Variants in MED14 observed in about 807,000 individuals in gnomAD.
MED14 encodes the protein mediator complex subunit 14.
MED14 carries 8 observed loss-of-function variants against 109.0 expected under a neutral mutation model. The observed-to-expected ratio is 0.07, with a 90% CI of 0.04 to 0.13. MED14 has a LOEUF of 0.13. Ranked by LOEUF, MED14 falls within the 10% of genes least tolerant of loss-of-function variation. MED14 has a pLI of 1.00. For missense variants in MED14, 711 were observed against 1,142.4 expected, an observed-to-expected ratio of 0.62 and a Z score of 5.44; for synonymous variants, 399 against 408.7, an observed-to-expected ratio of 0.98 and a Z score of 0.29.
At chrX:40,683,072 G>C (rs1930179950) in intron 16 of MED14, 76 bp from the exon 17 acceptor site, 1 of 890,132 alleles carries the variant, frequency 1.1e-6, no homozygotes. Flanking sequence ...GACAAGGTAT[G>C]ACATTACAGC....
chrX:40,682,276 C>A (rs1250138708), intron 18 of MED14, among the ~76,000 whole-genome samples: 2 of 111,435 alleles, frequency 1.8e-5, no homozygotes, highest in East Asian at 5.6e-4. Flanking sequence ...TAATACCTAC[C>A]CTCATGATTG....
chrX:40,655,967 A>G (rs1929039786), intron 28 of MED14, among the ~76,000 whole-genome samples: 1 of 111,748 alleles, frequency 8.9e-6, no homozygotes, highest in Admixed American at 9.5e-5. Context: ...TTCACAGTAT[A>G]TATCTCCCCA....
chrX:40,710,244 CA>C, intron 8 of MED14, 115 bp from the exon 9 acceptor site: 1 of 413,652 alleles, frequency 2.4e-6, no homozygotes. Context: ...GGCAGGCCCC[CA>C]GTGTTTGTGG....
At chrX:40,658,902 T>A (rs1929169376) in intron 28 of MED14, among the ~76,000 whole-genome samples, 6 of 110,414 alleles carry the variant, frequency 5.4e-5, no homozygotes, top group Admixed American at 3.9e-4. Context: ...TATTTGCTTT[T>A]ATGAATGGAC....
chrX:40,701,319 T>C (rs1004265729), intron 11 of MED14, 76 bp from the exon 12 acceptor site: 14 of 637,465 alleles, frequency 2.2e-5, no homozygotes, highest in Admixed American at 1.4e-4. Context: ...GTAAAACAAA[T>C]AAAACAAATG....
chrX:40,674,141 C>T (rs2146642313), intron 22 of MED14, among the ~76,000 whole-genome samples: 1 of 111,528 alleles, frequency 9.0e-6, no homozygotes, highest in Admixed American at 9.5e-5. Flanking sequence ...GGCCCAGCAT[C>T]TTCAAAGGGC....
Position 40,681,842 on chromosome X carries a change from T to C in MED14, c.2457+10A>G. On this transcript the variant is annotated intron_variant, in intron 19 of 30. Transcript: ENST00000324817. ...TAAGACAGGAACTTCAGCATTTTAATCAGACTTACTGAGCTTCCCTTGGTG... is the reference window on the plus strand; with the variant it reads ...TAAGACAGGAACTTCAGCATTTTAACCAGACTTACTGAGCTTCCCTTGGTG... The C allele has an allele frequency of 2.0e-6, 2 of 995,778 alleles. No individual in the cohort carries two copies. Among genetic ancestry groups the C allele is most frequent in the Non-Finnish European group, 2.7e-6 (2 of 733,388 alleles). The allele number at this position is 995,778 out of a possible 1,213,427, so 82.1% of individuals were successfully genotyped here.
Position 40,648,562 on chromosome X carries a change from A to AT in MED14, c.*3243dup, listed in dbSNP as rs1022363676. The AT allele has an allele frequency of 6.2e-5, 7 of 112,435 alleles. No homozygotes were observed. Among genetic ancestry groups the AT allele is most frequent in the Non-Finnish European group, 1.3e-4 (7 of 53,263 alleles). 9.3% of individuals were successfully genotyped at this position (112,435 alleles called of 1,213,427 possible). On this transcript the variant is annotated 3_prime_UTR_variant, in exon 31 of 31. Coordinates refer to ENST00000324817, the MANE Select transcript of MED14 (RefSeq NM_004229.4). ...CCATTTACTCATTTTTAAGAAGAGG[A>AT]TATCAATAACCTACCACATTGGGTT...
intron 21 of MED14, among the ~76,000 whole-genome samples, chrX:40,678,787 C>A (rs1433452643): frequency 1.9e-5 from 2 of 105,493 alleles, no homozygotes; most frequent in African/African-American, 7.0e-5. Flanking sequence ...GCCAGGAGGA[C>A]AGAACGAGAC....
intron 15 of MED14, among the ~76,000 whole-genome samples, chrX:40,691,592 A>C (rs1602468433): frequency 1.9e-5 from 1 of 52,607 alleles, no homozygotes; most frequent in African/African-American, 5.4e-5. Context: ...CAGCCTGTCC[A>C]CTTTTTCTTT....
At chrX:40,698,247 C>T (rs1930793699) in intron 12 of MED14, among the ~76,000 whole-genome samples, 1 of 112,264 alleles carries the variant, frequency 8.9e-6, no homozygotes, top group Non-Finnish European at 1.9e-5. Context: ...AGAAACATCT[C>T]TCATGATTAG....
At chrX:40,692,995 T>C in intron 13 of MED14, 93 bp from the exon 14 acceptor site, 1 of 600,127 alleles carries the variant, frequency 1.7e-6, no homozygotes, top group Non-Finnish European at 2.3e-6. Context: ...GAATTATAAA[T>C]CTAATGTAGA....
rs773362814 is a variant in MED14, at chrX:40,735,259, T to C, written c.154A>G (p.Ser52Gly). 1 of 1,146,647 alleles carries C rather than the reference T, an allele frequency of 8.7e-7. No individual in the cohort carries two copies. The highest frequency in any genetic ancestry group is 2.0e-5 in the South Asian group (1 of 49,834). The allele number at this position is 1,146,647 out of a possible 1,213,427, so 94.5% of individuals were successfully genotyped here. The change falls in exon 1 of 31, where the codon AGC becomes GGC. Residue 52 changes from serine to glycine, a missense_variant. Around this residue, in one of 8 missense-constraint regions of MED14, gnomAD observed 62 missense variants for 55.2 expected, o/e 1.12. Transcript: ENST00000324817. ...AAAASPGYRL[S>G]TLIEFLLHRA... is the part of the protein sequence containing the mutation. Reference sequence around the variant, plus strand: ...TGCAGCAGAAATTCAATGAGGGTGCTCAGCCGGTAGCCCGGGCTAGCCGCA... The same window carrying C: ...TGCAGCAGAAATTCAATGAGGGTGCCCAGCCGGTAGCCCGGGCTAGCCGCA...
intron 10 of MED14, among the ~76,000 whole-genome samples, chrX:40,708,592 T>C (rs1017655750): frequency 1.8e-5 from 2 of 111,973 alleles, no homozygotes; most frequent in African/African-American, 6.5e-5. Flanking sequence ...CTGTGCACTG[T>C]GGGCACAAGG....
At chrX:40,657,728 C>T (rs73469380) in intron 28 of MED14, among the ~76,000 whole-genome samples, 2,463 of 112,232 alleles carry the variant, frequency 0.022, 67 homozygotes, top group African/African-American at 0.076. Flanking sequence ...ATATTCAGTG[C>T]TCTGAAGGCA....
intron 23 of MED14, among the ~76,000 whole-genome samples, chrX:40,668,661 G>A (rs1056337190): frequency 1.8e-5 from 2 of 111,744 alleles, no homozygotes; most frequent in African/African-American, 6.5e-5. Context: ...CAGGGGATAG[G>A]TTCCAAGACC....
chrX:40,732,089 T>C (rs1333651543), intron 1 of MED14, among the ~76,000 whole-genome samples: 2 of 112,486 alleles, frequency 1.8e-5, no homozygotes, highest in Non-Finnish European at 3.8e-5. Context: ...TTATAGGTGG[T>C]CAGAGAAAAT....
intron 1 of MED14, among the ~76,000 whole-genome samples, chrX:40,733,826 C>G (rs1172084738): frequency 8.9e-6 from 1 of 111,984 alleles, no homozygotes; most frequent in African/African-American, 3.3e-5. Flanking sequence ...CATCAAGATA[C>G]TGAAATGTAG....
At chrX:40,677,219 C>A (rs1423985427) in intron 21 of MED14, among the ~76,000 whole-genome samples, 1 of 112,035 alleles carries the variant, frequency 8.9e-6, no homozygotes, top group African/African-American at 3.3e-5. Context: ...ATATTGAAAG[C>A]AAGATGCATA....
Sources: gnomAD v4.1 joint callset for allele counts (sites outside exome capture counted in the v4.1 genomes callset) on GRCh38, gnomAD v4.1.1 for gene constraint, gnomAD v4.1.1 regional missense constraint, MANE v1.5 for transcripts, NCBI Gene and HGNC (gene_info 2026-07-23, HGNC 2026-07-21) for gene names.